The following SHROOM3 variants were observed in gnomAD, a reference collection of about 807,000 sequenced individuals.
SHROOM3 encodes protein Shroom3.
Under a neutral mutation model 138.6 loss-of-function variants are expected in SHROOM3, and 47 were observed. The observed-to-expected ratio is 0.34, with a 90% CI of 0.27 to 0.43. SHROOM3 has a LOEUF of 0.43. Ranked by LOEUF, SHROOM3 falls within the 20% of genes least tolerant of loss-of-function variation. SHROOM3 has a pLI of 1.00. For synonymous variants in SHROOM3, 1,062 were observed against 1,063.3 expected (o/e 1.00, Z 0.02); for missense variants, 2,491 against 2,596.5 (o/e 0.96, Z 0.88).
rs1718653901 is a variant in SHROOM3 at position 76,664,988 on chromosome 4, A to AT, written c.324-45168_324-45167insT. Among the ~76,000 whole-genome samples the AT allele has an allele frequency of 6.6e-6, 1 of 152,044 alleles. No homozygotes were observed. The highest frequency in any genetic ancestry group is 2.1e-4 in the South Asian group (1 of 4,818). On this transcript the variant is annotated intron_variant, in intron 2 of 10. Coordinates refer to ENST00000296043, the MANE Select transcript of SHROOM3 (RefSeq NM_020859.4). This position sits in a 1 kb window ranked among gnomAD's most constrained non-coding sequence, Gnocchi z 4.2. ...CAACACAGTGAGACCACGTCTCAAA[A>AT]ATATATATATTAACAAAATAAAGGC...
At chr4:76,648,602 C>T (rs183644672) in intron 2 of SHROOM3, among the ~76,000 whole-genome samples, 9 of 152,218 alleles carry the variant, frequency 5.9e-5, no homozygotes, top group South Asian at 2.1e-4. Flanking sequence ...TTTGAAAGAG[C>T]TCACTACTTC....
intron 2 of SHROOM3, among the ~76,000 whole-genome samples, chr4:76,682,943 T>C (rs187596621): frequency 3.9e-5 from 6 of 152,330 alleles, no homozygotes; most frequent in East Asian, 3.9e-4. Context: ...AATGCAGTAA[T>C]AGCTGATTTT....
chr4:76,640,457 A>G (rs1735635181), intron 2 of SHROOM3, among the ~76,000 whole-genome samples: 1 of 152,156 alleles, frequency 6.6e-6, no homozygotes, highest in Admixed American at 6.6e-5. Context: ...AATCCATTCT[A>G]AATATGGGAG....
intron 10 of SHROOM3, among the ~76,000 whole-genome samples, chr4:76,776,188 G>A (rs904766158): frequency 6.6e-6 from 1 of 152,120 alleles, no homozygotes; most frequent in African/African-American, 2.4e-5. Flanking sequence ...GTATTGCATT[G>A]TGGTTTTGAT....
chr4:76,689,384 G>GAGCCAGC (rs1553937027), intron 2 of SHROOM3, among the ~76,000 whole-genome samples: 3 of 125,470 alleles, frequency 2.4e-5, no homozygotes, highest in Admixed American at 8.6e-5. Context: ...GAGCCAGCGC[G>GAGCCAGC]GCCCCTCGGG....
At chr4:76,527,678 G>A (rs1418466182) in intron 1 of SHROOM3, among the ~76,000 whole-genome samples, 1 of 152,204 alleles carries the variant, frequency 6.6e-6, no homozygotes, top group South Asian at 2.1e-4. Flanking sequence ...TTTCGGTGTT[G>A]GTTTGATTTA....
chr4:76,532,509 T>G (rs1732853583), intron 1 of SHROOM3, among the ~76,000 whole-genome samples: 1 of 152,160 alleles, frequency 6.6e-6, no homozygotes, highest in Admixed American at 6.5e-5. Flanking sequence ...CCCCATTGGG[T>G]GCCAGAAACC....
At chr4:76,536,399 G>A (rs1046860075) in intron 1 of SHROOM3, among the ~76,000 whole-genome samples, 6 of 152,108 alleles carry the variant, frequency 3.9e-5, no homozygotes, top group Non-Finnish European at 8.8e-5. Context: ...AAACTAAGCT[G>A]TATTGATTTT....
chr4:76,642,265 G>A (rs764884617), intron 2 of SHROOM3, among the ~76,000 whole-genome samples: 1 of 152,080 alleles, frequency 6.6e-6, no homozygotes, highest in East Asian at 1.9e-4. Context: ...AATGTCTAAA[G>A]CCTGATCAAT....
At chr4:76,509,168 G>C (rs928131984) in intron 1 of SHROOM3, 17 of 152,138 alleles carry the variant, frequency 1.1e-4, no homozygotes, top group Non-Finnish European at 2.5e-4. Context: ...TTATTTCTAA[G>C]TATGTTCTTC....
In SHROOM3 at chr4:76,740,963, C is replaced by G. The variant is rs762556045; in HGVS notation, c.2790C>G (p.Asp930Glu). 2 of 1,496,776 alleles carry G rather than the reference C, an allele frequency of 1.3e-6. No individual in the cohort carries two copies. The highest frequency in any genetic ancestry group is 2.4e-5 in the Admixed American group (1 of 40,990). The allele number at this position is 1,496,776 out of a possible 1,614,324, so 92.7% of individuals were successfully genotyped here. The change falls in exon 5 of 11, where the codon GAC (aspartate) becomes GAG (glutamate). Residue 930 changes from aspartate (D) to glutamate (E), a missense_variant. Physicochemically the swap from Asp to Glu is conservative, Grantham distance 45. Transcript: ENST00000296043. This position sits in a 1 kb window ranked among gnomAD's most constrained non-coding sequence, Gnocchi z 4.0. Reference sequence around the variant, plus strand: ...GCGCCTACCGGAACAGCATCAAGGACGCACAGTCCCGTGTCTTGGGGGCCA... The same window carrying G: ...GCGCCTACCGGAACAGCATCAAGGAGGCACAGTCCCGTGTCTTGGGGGCCA... The part of the protein sequence containing the change: ...FSRAYRNSIK[D>E]AQSRVLGATS...
intron 2 of SHROOM3, among the ~76,000 whole-genome samples, chr4:76,625,174 T>C (rs758834916): frequency 7.2e-5 from 11 of 152,190 alleles, no homozygotes; most frequent in Non-Finnish European, 1.5e-4. Context: ...CAAACTACAA[T>C]AGCAGTATGG....
rs1395039961 is a variant in SHROOM3 at position 76,679,162 on chromosome 4, A to C, written c.324-30994A>C. On this transcript the variant is annotated intron_variant, in intron 2 of 10. Transcript: ENST00000296043. ...TCTACAAGTCATTTGTTCAACTTGC[A>C]TGCCAGTTTATGACAGTGTCACCTT... Among the ~76,000 whole-genome samples the C allele has an allele frequency of 3.9e-5, 6 of 152,340 alleles. No individual in the cohort carries two copies. In the East Asian group the frequency reaches 1.2e-3, roughly 29 times the overall value.
intron 2 of SHROOM3, among the ~76,000 whole-genome samples, chr4:76,620,818 T>G (rs924665198): frequency 1.3e-5 from 2 of 152,154 alleles, no homozygotes; most frequent in Non-Finnish European, 2.9e-5. Context: ...TAACGTTCAG[T>G]CTTTCATTGT....
Position 76,740,447 on chromosome 4 carries a change from G to A in SHROOM3, c.2274G>A (p.Arg758=), listed in dbSNP as rs1384268238. 1 of 1,611,944 alleles carries A rather than the reference G, an allele frequency of 6.2e-7. No individual in the cohort carries two copies. Among genetic ancestry groups the A allele is most frequent in the Admixed American group, 1.7e-5 (1 of 59,932 alleles). ...PSHPHTSSLG[R]RGPGPGSASA... is the part of the protein sequence containing the mutation. Reference sequence around the variant, plus strand: ...ACCCGCACACATCCAGTCTGGGCCGGAGGGGGCCCGGCCCAGGCAGCGCCT... The same window carrying A: ...ACCCGCACACATCCAGTCTGGGCCGAAGGGGGCCCGGCCCAGGCAGCGCCT... The change falls in exon 5 of 11, where the codon CGG becomes CGA. Residue 758 remains arginine (R), a synonymous_variant. Transcript: ENST00000296043. This position sits in a 1 kb window ranked among gnomAD's most constrained non-coding sequence, Gnocchi z 4.0.
chr4:76,574,283 C>T (rs578230948), intron 2 of SHROOM3, among the ~76,000 whole-genome samples: 1 of 152,202 alleles, frequency 6.6e-6, no homozygotes, highest in South Asian at 2.1e-4. Flanking sequence ...CAATTAGAAT[C>T]CTCTAGGCCT....
At chr4:76,624,397 A>G (rs547894287) in intron 2 of SHROOM3, among the ~76,000 whole-genome samples, 10 of 152,188 alleles carry the variant, frequency 6.6e-5, no homozygotes, top group African/African-American at 1.7e-4. Context: ...TCCAGAGTTC[A>G]CTCAGCTGCC....
chr4:76,645,693 T>C (rs1735797931), intron 2 of SHROOM3: 1 of 152,198 alleles, frequency 6.6e-6, no homozygotes, highest in African/African-American at 2.4e-5. Flanking sequence ...CTTAGCTGTG[T>C]GCTAGGAAAG....
At chr4:76,736,458 C>A (rs964302958) in intron 4 of SHROOM3, among the ~76,000 whole-genome samples, 5 of 152,108 alleles carry the variant, frequency 3.3e-5, no homozygotes, top group African/African-American at 1.2e-4. Flanking sequence ...AATTCCAGCA[C>A]AAGTTTTGAC....
Sources: gnomAD v4.1 joint callset for allele counts (sites outside exome capture counted in the v4.1 genomes callset) on GRCh38, gnomAD v4.1.1 for gene constraint, Gnocchi (gnomAD v3.1) non-coding constraint, MANE v1.5 for transcripts, NCBI Gene and HGNC (gene_info 2026-07-23, HGNC 2026-07-21) for gene names.